Variants in SLC16A10 observed in about 807,000 individuals in gnomAD.
SLC16A10 encodes solute carrier family 16 member 10, also known as monocarboxylate transporter 10.
Under a neutral mutation model 40.0 loss-of-function variants are expected in SLC16A10, and 27 were observed. The ratio of observed to expected loss-of-function variants is 0.67; its 90% CI spans 0.50 to 0.93. The LOEUF (loss-of-function observed/expected upper bound fraction) is 0.93, where lower values mean the gene tolerates loss of function less well. SLC16A10 is among the 40% of genes least tolerant of loss of function. SLC16A10 has a pLI of 0.00. For synonymous variants in SLC16A10, 213 were observed against 249.8 expected (o/e 0.85, Z 1.39); for missense variants, 529 against 658.2 (o/e 0.80, Z 2.15).
chr6:111,186,193 G>A (rs354525), intron 3 of SLC16A10, among the ~76,000 whole-genome samples: 115,555 of 152,106 alleles, frequency 0.76, 44,870 homozygotes, highest in Non-Finnish European at 0.85. Flanking sequence ...GCAAGCCACT[G>A]CATCTGGCCT....
Position 111,087,807 on chromosome 6 carries a change from C to T in SLC16A10, c.55C>T (p.Pro19Ser). ...CGCGCGGGGCACGAGCGAGGCGCAG[C>T]CGCTCGGCCCCGCGCCCACGGGGGC... ...DSARGTSEAQ[P>S]LGPAPTGAAP... The change falls in exon 1 of 6, where the codon CCG becomes TCG. Residue 19 changes from proline (P) to serine (S), a missense_variant. Physicochemically the swap from Pro to Ser is moderately conservative, Grantham distance 74. Transcript: ENST00000368851. 1 of 1,284,464 alleles carries T rather than the reference C, an allele frequency of 7.8e-7. No homozygotes were observed. Among genetic ancestry groups the T allele is most frequent in the East Asian group, 3.2e-5 (1 of 31,036 alleles). The allele number at this position is 1,284,464 out of a possible 1,614,324, so 79.6% of individuals were successfully genotyped here.
At chr6:111,211,433 T>C (rs1158020161) in intron 4 of SLC16A10, among the ~76,000 whole-genome samples, 3 of 152,200 alleles carry the variant, frequency 2.0e-5, no homozygotes, top group African/African-American at 7.2e-5. Flanking sequence ...AAAGTTAGTA[T>C]TGGGGGTCAA....
chr6:111,197,081 AT>A (rs1417853408), intron 3 of SLC16A10, among the ~76,000 whole-genome samples: 1 of 152,206 alleles, frequency 6.6e-6, no homozygotes, highest in Non-Finnish European at 1.5e-5. Flanking sequence ...TACTCAACAA[AT>A]TTTAATCTTC....
At chr6:111,118,304 AC>A (rs1771524427) in intron 1 of SLC16A10, among the ~76,000 whole-genome samples, 1 of 152,198 alleles carries the variant, frequency 6.6e-6, no homozygotes, top group Non-Finnish European at 1.5e-5. Flanking sequence ...ACGAAGTATA[AC>A]CCGCTCAATA....
Position 111,094,001 on chromosome 6 carries a change from TG to T in SLC16A10, c.343+5907del, listed in dbSNP as rs200387768. On this transcript the variant is annotated intron_variant, in intron 1 of 5. Transcript: ENST00000368851. Reference sequence around the variant, plus strand: ...AGTGAATTCTAATTAAATACAACAATGTGAGATTCCTGTGGTGTTTTTTCAT... The same window carrying T: ...AGTGAATTCTAATTAAATACAACAATTGAGATTCCTGTGGTGTTTTTTCAT... 6.0e-4 allele frequency among the ~76,000 whole-genome samples: 92 copies of T among 152,258 alleles called. No homozygotes were observed. In the East Asian group the frequency reaches 0.016, roughly 27 times the overall value.
chr6:111,145,935 A>G (rs941612867), intron 1 of SLC16A10, among the ~76,000 whole-genome samples: 2 of 152,228 alleles, frequency 1.3e-5, no homozygotes, highest in Non-Finnish European at 2.9e-5. Context: ...CATTAAAAGC[A>G]CAAACAACAA....
intron 1 of SLC16A10, among the ~76,000 whole-genome samples, chr6:111,094,838 G>C (rs981326187): frequency 6.6e-6 from 1 of 152,088 alleles, no homozygotes; most frequent in African/African-American, 2.4e-5. Flanking sequence ...ATGGCATCTT[G>C]CTATTTTGCT....
intron 1 of SLC16A10, among the ~76,000 whole-genome samples, chr6:111,112,207 A>AT (rs1023819874): frequency 1.3e-4 from 19 of 150,102 alleles, no homozygotes; most frequent in Admixed American, 5.3e-4. Flanking sequence ...TTAAAAAAAA[A>AT]TTTTTTTTTT....
intron 1 of SLC16A10, among the ~76,000 whole-genome samples, chr6:111,157,697 G>A (rs1772295980): frequency 6.6e-6 from 1 of 152,078 alleles, no homozygotes; most frequent in Non-Finnish European, 1.5e-5. Context: ...TTTTAAGGCA[G>A]ATCTATGCCA....
chr6:111,192,915 CA>C (rs1226055457), intron 3 of SLC16A10, among the ~76,000 whole-genome samples: 1 of 152,192 alleles, frequency 6.6e-6, no homozygotes, highest in Admixed American at 6.5e-5. Context: ...ATGGGAGTTA[CA>C]ATTCAAGATG....
At chr6:111,142,560 A>G (rs1211387097) in intron 1 of SLC16A10, among the ~76,000 whole-genome samples, 1 of 152,270 alleles carries the variant, frequency 6.6e-6, no homozygotes, top group Non-Finnish European at 1.5e-5. Flanking sequence ...AAATGTGCCA[A>G]ACACTCTAAT....
At chr6:111,125,183 G>A (rs769434812) in intron 1 of SLC16A10, among the ~76,000 whole-genome samples, 1 of 151,972 alleles carries the variant, frequency 6.6e-6, no homozygotes, top group Non-Finnish European at 1.5e-5. Context: ...GCCAAAAGAC[G>A]TATTTTAATC....
intron 1 of SLC16A10, 64 bp downstream of exon 1, chr6:111,088,159 G>C: frequency 6.6e-7 from 1 of 1,509,956 alleles, no homozygotes; most frequent in Non-Finnish European, 9.0e-7. Context: ...AGCGCATCCC[G>C]CGTGTGGGCT....
intron 3 of SLC16A10, among the ~76,000 whole-genome samples, chr6:111,195,891 G>A (rs747652841): frequency 8.6e-5 from 13 of 151,978 alleles, no homozygotes; most frequent in Non-Finnish European, 1.5e-4. Context: ...AACACTGACT[G>A]TATAATTACC....
At chr6:111,139,209 T>C (rs1196641004) in intron 1 of SLC16A10, among the ~76,000 whole-genome samples, 3 of 151,944 alleles carry the variant, frequency 2.0e-5, no homozygotes, top group Admixed American at 6.6e-5. Flanking sequence ...GCTCCATCCA[T>C]GTTACTGCAA....
intron 1 of SLC16A10, among the ~76,000 whole-genome samples, chr6:111,128,624 T>C (rs1032004590): frequency 6.6e-6 from 1 of 152,210 alleles, no homozygotes; most frequent in East Asian, 1.9e-4. Flanking sequence ...CGAAGTCGGA[T>C]GCAGTAAGGA....
chr6:111,219,098 G>T, intron 5 of SLC16A10, 56 bp downstream of exon 5: 2 of 1,473,602 alleles, frequency 1.4e-6, no homozygotes, highest in Non-Finnish European at 1.9e-6. Flanking sequence ...TCTACTTCAG[G>T]TCTTAATTAA....
intron 1 of SLC16A10, among the ~76,000 whole-genome samples, chr6:111,132,032 T>C: frequency 6.6e-6 from 1 of 152,200 alleles, no homozygotes; most frequent in East Asian, 1.9e-4. Context: ...GGAAGCTCTA[T>C]GCTGTGTCCT....
chr6:111,145,448 T>C (rs922788108), intron 1 of SLC16A10, among the ~76,000 whole-genome samples: 10 of 152,114 alleles, frequency 6.6e-5, no homozygotes, highest in African/African-American at 2.2e-4. Context: ...AAATATATTA[T>C]TAAGATAAAA....
Sources: gnomAD v4.1 joint callset for allele counts (sites outside exome capture counted in the v4.1 genomes callset) on GRCh38, gnomAD v4.1.1 for gene constraint, MANE v1.5 for transcripts, NCBI Gene and HGNC (gene_info 2026-07-23, HGNC 2026-07-21) for gene names.